Variants in RTKN2 observed in about 807,000 individuals in gnomAD.
RTKN2 encodes the protein rhotekin 2.
RTKN2 carries 69 observed loss-of-function variants against 71.5 expected under a neutral mutation model. The observed-to-expected ratio is 0.96, with a 90% CI of 0.79 to 1.18. The LOEUF (loss-of-function observed/expected upper bound fraction) is 1.18, where lower values mean the gene tolerates loss of function less well. Among genes scored for constraint, RTKN2 ranks in the 50% most tolerant of loss-of-function variants. RTKN2 has a pLI of 0.00. For synonymous variants in RTKN2, 236 were observed against 236.5 expected (o/e 1.00, Z 0.02); for missense variants, 724 against 719.7 (o/e 1.01, Z -0.07).
Position 62,193,644 on chromosome 10 carries a change from A to C in RTKN2, c.*4264T>G. 1.0e-6 allele frequency: 1 copy of C among 985,356 alleles called. No homozygotes were observed. Among genetic ancestry groups the C allele is most frequent in the Non-Finnish European group, 1.2e-6 (1 of 829,878 alleles). 61.0% of individuals were successfully genotyped at this position (985,356 alleles called of 1,614,324 possible). On this transcript the variant is annotated 3_prime_UTR_variant, in exon 12 of 12. Transcript: ENST00000373789. The stretch of plus-strand genomic sequence containing the variant: ...CCCCCACTCTGAGGCGCTCTGCAGG[A>C]ATAAAGTACTGAGGGAGGTACATTA...
In RTKN2 at chr10:62,200,380, A is replaced by G. The variant is rs578190729; in HGVS notation, c.1187-519T>C. ...TCCGTCTCAAAAAAAAAAAAAAAAA[A>G]AAAAAAGAAAAAAGAAAAAGAAGTA... is the stretch of plus-strand genomic sequence containing the variant. On this transcript the variant is annotated intron_variant, in intron 10 of 11. Coordinates refer to ENST00000373789, the MANE Select transcript of RTKN2 (RefSeq NM_145307.4). 3.6e-4 allele frequency among the ~76,000 whole-genome samples: 54 copies of G among 150,888 alleles called. No individual in the cohort carries two copies. The South Asian group carries it at 3.8e-3, about 10-fold the overall frequency.
At position 62,194,148 on chromosome 10, in the gene RTKN2, T is replaced by C. The variant is rs1278832859; in HGVS notation, c.*3760A>G. On this transcript the variant is annotated 3_prime_UTR_variant, in exon 12 of 12. Transcript: ENST00000373789. The stretch of plus-strand genomic sequence containing the variant: ...GACCCATATTAAAAAATAAAAATTA[T>C]AAACAAAGCCAATTACACAAGCATG... 1.0e-6 allele frequency: 1 copy of C among 977,438 alleles called. No homozygotes were observed. The highest frequency in any genetic ancestry group is 1.2e-6 in the Non-Finnish European group (1 of 822,708). The allele number at this position is 977,438 out of a possible 1,614,324, so 60.5% of individuals were successfully genotyped here. A position where few individuals can be genotyped will look rare whatever the true frequency, so the allele number is the denominator to read the frequency against.
chr10:62,197,713 A>G lies in RTKN2; in HGVS notation c.*195T>C, dbSNP rs886901673. On this transcript the variant is annotated 3_prime_UTR_variant, in exon 12 of 12. Coordinates refer to ENST00000373789, the MANE Select transcript of RTKN2 (RefSeq NM_145307.4). ...CCTCTTGCACACTGCTGGAGAAATC[A>G]CTTACATTCTGCAAATCAGGAGTAA... The G allele has an allele frequency of 7.8e-6, 11 of 1,402,528 alleles. 1 individual carries two copies. In the Admixed American group the frequency reaches 3.2e-4, roughly 40 times the overall value. The allele number at this position is 1,402,528 out of a possible 1,614,324, so 86.9% of individuals were successfully genotyped here.
chr10:62,227,346 A>T (rs1842049182), intron 6 of RTKN2, among the ~76,000 whole-genome samples: 1 of 152,190 alleles, frequency 6.6e-6, no homozygotes, highest in Non-Finnish European at 1.5e-5. Context: ...AAGAAGGCCT[A>T]TCTGCAAAAG....
At position 62,197,580 on chromosome 10, in the gene RTKN2, C is replaced by T. The variant is rs942755945; in HGVS notation, c.*328G>A. 3 of 1,044,648 alleles carry T rather than the reference C, an allele frequency of 2.9e-6. No individual in the cohort carries two copies. Among genetic ancestry groups the T allele is most frequent in the Non-Finnish European group, 3.5e-6 (3 of 868,388 alleles). 64.7% of individuals were successfully genotyped at this position (1,044,648 alleles called of 1,614,324 possible). A position where few individuals can be genotyped will look rare whatever the true frequency, so the allele number is the denominator to read the frequency against. The stretch of plus-strand genomic sequence containing the variant: ...ATTTTAAATTACTAGACAGTCTCTC[C>T]CCAAAAGAAATTTTAATGCTTTATT... On this transcript the variant is annotated 3_prime_UTR_variant, in exon 12 of 12. Coordinates refer to ENST00000373789, the MANE Select transcript of RTKN2 (RefSeq NM_145307.4).
chr10:62,266,324 G>C (rs569466156), intron 1 of RTKN2, among the ~76,000 whole-genome samples: 1 of 152,296 alleles, frequency 6.6e-6, no homozygotes, highest in South Asian at 2.1e-4. Context: ...AAAAAAACCT[G>C]AAGTTGAACT....
At chr10:62,202,288 C>T (rs186424173) in intron 10 of RTKN2, among the ~76,000 whole-genome samples, 1 of 152,270 alleles carries the variant, frequency 6.6e-6, no homozygotes, top group African/African-American at 2.4e-5. Flanking sequence ...CTCCTGAGTT[C>T]TAATTATCTC....
In RTKN2 at chr10:62,195,225, T is replaced by C. The variant is rs1008366502; in HGVS notation, c.*2683A>G. On this transcript the variant is annotated 3_prime_UTR_variant, in exon 12 of 12. Coordinates refer to ENST00000373789, the MANE Select transcript of RTKN2 (RefSeq NM_145307.4). ...AATATCTATTCTGTTTCCCCAATTA[T>C]ATTATCAAGAGCTGACAGCTAACTC... 1 of 979,832 alleles carries C rather than the reference T, an allele frequency of 1.0e-6. No homozygotes were observed. Among genetic ancestry groups the C allele is most frequent in the Non-Finnish European group, 1.2e-6 (1 of 824,928 alleles). 60.7% of individuals were successfully genotyped at this position (979,832 alleles called of 1,614,324 possible). A position where few individuals can be genotyped will look rare whatever the true frequency, so the allele number is the denominator to read the frequency against.
chr10:62,262,007 T>A (rs577151316), intron 2 of RTKN2, among the ~76,000 whole-genome samples: 23 of 152,338 alleles, frequency 1.5e-4, no homozygotes, highest in Non-Finnish European at 2.9e-4. Flanking sequence ...ATAAATTTCA[T>A]ATACAAATCA....
intron 6 of RTKN2, among the ~76,000 whole-genome samples, chr10:62,224,466 A>T (rs1841976846): frequency 6.6e-6 from 1 of 152,166 alleles, no homozygotes; most frequent in East Asian, 1.9e-4. Context: ...TGTTTCTCTG[A>T]AGGGTCCCCG....
At position 62,193,937 on chromosome 10, in the gene RTKN2, ACTGT is replaced by A; in HGVS notation, c.*3967_*3970del. ...TTTCTGATTAAACTGATTCCACCAC[ACTGT>A]CTACTTCAATCAGTCTAGTCTAGAG... On this transcript the variant is annotated 3_prime_UTR_variant, in exon 12 of 12. Coordinates refer to ENST00000373789, the MANE Select transcript of RTKN2 (RefSeq NM_145307.4). The A allele has an allele frequency of 1.0e-6, 1 of 984,026 alleles. No individual in the cohort carries two copies. The highest frequency in any genetic ancestry group is 1.2e-6 in the Non-Finnish European group (1 of 828,666). 61.0% of individuals were successfully genotyped at this position (984,026 alleles called of 1,614,324 possible). A position where few individuals can be genotyped will look rare whatever the true frequency, so the allele number is the denominator to read the frequency against.
intron 10 of RTKN2, 30 bp downstream of exon 10, chr10:62,204,827 A>G (rs760535312): frequency 2.7e-6 from 4 of 1,499,700 alleles, no homozygotes; most frequent in Non-Finnish European, 3.6e-6. Context: ...ACATAAATAC[A>G]CAACTAAAAA....
At chr10:62,250,975 A>T (rs1362469077) in intron 2 of RTKN2, among the ~76,000 whole-genome samples, 1 of 152,174 alleles carries the variant, frequency 6.6e-6, no homozygotes. Flanking sequence ...TGAGTAGTGT[A>T]ATGAAACCTC....
chr10:62,201,340 T>C (rs1841437585), intron 10 of RTKN2, among the ~76,000 whole-genome samples: 1 of 151,986 alleles, frequency 6.6e-6, no homozygotes, highest in Non-Finnish European at 1.5e-5. Context: ...TTAAGAAACA[T>C]AAAAAAAGCC....
At chr10:62,222,230 T>C (rs1841924448) in intron 7 of RTKN2, among the ~76,000 whole-genome samples, 1 of 151,998 alleles carries the variant, frequency 6.6e-6, no homozygotes, top group Non-Finnish European at 1.5e-5. Flanking sequence ...TACCTCAGTA[T>C]CCTGAGTAGC....
At chr10:62,221,033 A>T (rs1434983766) in intron 7 of RTKN2, among the ~76,000 whole-genome samples, 1 of 151,940 alleles carries the variant, frequency 6.6e-6, no homozygotes, top group Non-Finnish European at 1.5e-5. Flanking sequence ...AAGGCTTATA[A>T]TTCAAGCAGA....
chr10:62,194,799 T>C lies in RTKN2; in HGVS notation c.*3109A>G, dbSNP rs1841289482. On this transcript the variant is annotated 3_prime_UTR_variant, in exon 12 of 12. Transcript: ENST00000373789. ...TATCTCTAATTCAAGACAGCTTCCA[T>C]TTTTAATAAATAGTAGCAGGTAAAA... 1.0e-6 allele frequency: 1 copy of C among 985,294 alleles called. No individual in the cohort carries two copies. Among genetic ancestry groups the C allele is most frequent in the Non-Finnish European group, 1.2e-6 (1 of 829,794 alleles). The allele number at this position is 985,294 out of a possible 1,614,324, so 61.0% of individuals were successfully genotyped here.
intron 3 of RTKN2, 116 bp downstream of exon 3, chr10:62,245,883 G>C: frequency 1.5e-6 from 1 of 652,200 alleles, no homozygotes; most frequent in Non-Finnish European, 2.7e-6. Context: ...CAAATATTCT[G>C]ATAGAGGTAT....
rs1430272987 is a variant in RTKN2, at chr10:62,263,996, T to C, written c.61-1175A>G. ...AAAATTATAAATCAAAGGTACTCTT[T>C]ATTATATCACAAACATGTAATGTTT... On this transcript the variant is annotated intron_variant, in intron 1 of 11. Coordinates refer to ENST00000373789, the MANE Select transcript of RTKN2 (RefSeq NM_145307.4). Among the ~76,000 whole-genome samples the C allele has an allele frequency of 3.3e-5, 5 of 152,190 alleles. No homozygotes were observed. In the East Asian group the frequency reaches 9.6e-4, roughly 29 times the overall value.
Sources: gnomAD v4.1 joint callset for allele counts (sites outside exome capture counted in the v4.1 genomes callset) on GRCh38, gnomAD v4.1.1 for gene constraint, MANE v1.5 for transcripts, NCBI Gene and HGNC (gene_info 2026-07-23, HGNC 2026-07-21) for gene names.